The following AKAIN1 variants were observed in gnomAD, a reference collection of about 807,000 sequenced individuals.
AKAIN1 encodes the protein A-kinase anchor inhibitor 1.
AKAIN1 carries 3 observed loss-of-function variants against 3.7 expected under a neutral mutation model. The ratio of observed to expected loss-of-function variants is 0.82; its 90% CI spans 0.37 to 2.12. The LOEUF (loss-of-function observed/expected upper bound fraction) is 2.12, where lower values mean the gene tolerates loss of function less well. Among genes scored for constraint, AKAIN1 ranks in the 30% most tolerant of loss-of-function variants. The pLI is 0.06. For missense variants in AKAIN1, 82 were observed against 82.7 expected (o/e 0.99, Z 0.03); for synonymous variants, 31 against 30.8 (o/e 1.01, Z -0.02).
At chr18:5,190,777 T>C (rs2071314133) in intron 1 of AKAIN1, among the ~76,000 whole-genome samples, 1 of 152,150 alleles carries the variant, frequency 6.6e-6, no homozygotes, top group African/African-American at 2.4e-5. Flanking sequence ...TCTTCCTGTA[T>C]TCCCATATGG....
intron 1 of AKAIN1, among the ~76,000 whole-genome samples, chr18:5,162,199 G>A (rs768196140): frequency 1.6e-4 from 25 of 152,086 alleles, no homozygotes; most frequent in Admixed American, 3.3e-4. Context: ...TCTTCTCTTA[G>A]AAAGAAAACT....
intron 1 of AKAIN1, among the ~76,000 whole-genome samples, chr18:5,188,458 C>T (rs1009823637): frequency 6.6e-6 from 1 of 152,050 alleles, no homozygotes; most frequent in South Asian, 2.1e-4. Flanking sequence ...CTAAACCTCT[C>T]CGTGCTGCCC....
At chr18:5,194,245 C>T (rs1309249389) in intron 1 of AKAIN1, among the ~76,000 whole-genome samples, 1 of 152,128 alleles carries the variant, frequency 6.6e-6, no homozygotes, top group East Asian at 1.9e-4. Context: ...ATGCCCCTTA[C>T]CTTCAAGGGG....
At chr18:5,195,178 A>T (rs924047365) in intron 1 of AKAIN1, among the ~76,000 whole-genome samples, 3 of 152,158 alleles carry the variant, frequency 2.0e-5, no homozygotes, top group Admixed American at 6.5e-5. Flanking sequence ...ACGTTTCTGT[A>T]TCTATCCTAT....
intron 1 of AKAIN1, among the ~76,000 whole-genome samples, chr18:5,170,380 T>C (rs9303973): frequency 0.15 from 22,331 of 152,112 alleles, 2,902 homozygotes; most frequent in African/African-American, 0.36. Context: ...GTAGTAAGCA[T>C]TCACAACTTT....
chr18:5,197,449 T>C, upstream of AKAIN1: 4 of 1,222,888 alleles, frequency 3.3e-6, no homozygotes, highest in South Asian at 1.5e-4. The surrounding 1 kb of genome is among the most constrained non-coding windows in gnomAD (Gnocchi z 6.9). Flanking sequence ...TGCTTTTAAT[T>C]ACCTGCTGTG....
intron 1 of AKAIN1, among the ~76,000 whole-genome samples, chr18:5,147,104 C>T (rs2071053691): frequency 6.6e-6 from 1 of 152,118 alleles, no homozygotes. Flanking sequence ...GGCCTTTTGT[C>T]CTCTCCCCAT....
chr18:5,145,712 A>G lies in AKAIN1; in HGVS notation c.60T>C (p.Asn20=), dbSNP rs773755820. Residue 20 remains asparagine, a synonymous_variant, in exon 2 of 2, where the codon AAT becomes AAC. Transcript: ENST00000434239. ...CATTCTGCACAATCTGTTTGCTGGC[A>G]TTCTGCAGCTTCACCTCTTCAGGCT... ...GNEPEEVKLQ[N]ASKQIVQNAI... The G allele has an allele frequency of 6.4e-7, 1 of 1,551,564 alleles. No individual in the cohort carries two copies. Among genetic ancestry groups the G allele is most frequent in the South Asian group, 1.2e-5 (1 of 84,052 alleles).
intron 1 of AKAIN1, among the ~76,000 whole-genome samples, chr18:5,191,585 G>A (rs1216118752): frequency 6.6e-6 from 1 of 151,950 alleles, no homozygotes; most frequent in Non-Finnish European, 1.5e-5. Flanking sequence ...ATAGATTTCA[G>A]GAAATTCCAT....
At chr18:5,178,451 G>A (rs1044425275) in intron 1 of AKAIN1, among the ~76,000 whole-genome samples, 3 of 152,100 alleles carry the variant, frequency 2.0e-5, no homozygotes, top group African/African-American at 7.2e-5. Flanking sequence ...GACCAGAAAG[G>A]TGTGTTCTTC....
At chr18:5,164,677 G>T (rs527570532) in intron 1 of AKAIN1, among the ~76,000 whole-genome samples, 2 of 151,986 alleles carry the variant, frequency 1.3e-5, no homozygotes, top group Non-Finnish European at 2.9e-5. Flanking sequence ...GATGGTTGAA[G>T]TTGATTCAGT....
chr18:5,184,869 A>T (rs142465426), intron 1 of AKAIN1, among the ~76,000 whole-genome samples: 7 of 152,184 alleles, frequency 4.6e-5, no homozygotes, highest in Admixed American at 4.6e-4. Context: ...GAACCAAAAA[A>T]TGGTCCTGAA....
At chr18:5,168,132 C>G (rs1040581459) in intron 1 of AKAIN1, among the ~76,000 whole-genome samples, 3 of 151,956 alleles carry the variant, frequency 2.0e-5, no homozygotes, top group Non-Finnish European at 4.4e-5. Flanking sequence ...GCCCTGTTAC[C>G]AAAGGGGTAA....
At chr18:5,156,963 C>A (rs1207740461) in intron 1 of AKAIN1, among the ~76,000 whole-genome samples, 1 of 152,148 alleles carries the variant, frequency 6.6e-6, no homozygotes, top group African/African-American at 2.4e-5. Context: ...CCTAAATAGT[C>A]ACTCATAAAC....
intron 1 of AKAIN1, among the ~76,000 whole-genome samples, chr18:5,153,974 G>A (rs1328025524): frequency 6.6e-6 from 1 of 152,146 alleles, no homozygotes; most frequent in Non-Finnish European, 1.5e-5. Flanking sequence ...CTTCACACCT[G>A]GAAGCCTAGC....
At chr18:5,192,850 G>A (rs76719904) in intron 1 of AKAIN1, among the ~76,000 whole-genome samples, 10,697 of 152,070 alleles carry the variant, frequency 0.07, 466 homozygotes, top group African/African-American at 0.11. Context: ...AAAACTAAGT[G>A]CAATGAAACT....
chr18:5,197,604 T>C, upstream of AKAIN1: 2 of 597,284 alleles, frequency 3.3e-6, no homozygotes, highest in Non-Finnish European at 4.9e-6. The surrounding 1 kb of genome is among the most constrained non-coding windows in gnomAD (Gnocchi z 6.9). Flanking sequence ...GTCAAGTTAA[T>C]AGGTCCTGGA....
chr18:5,182,615 A>C (rs191164942), intron 1 of AKAIN1, among the ~76,000 whole-genome samples: 12 of 152,176 alleles, frequency 7.9e-5, no homozygotes, highest in African/African-American at 2.9e-4. Context: ...TAACTGAAAT[A>C]CTCTTATCAG....
intron 1 of AKAIN1, among the ~76,000 whole-genome samples, chr18:5,179,312 G>A (rs574742725): frequency 1.3e-5 from 2 of 151,910 alleles, no homozygotes; most frequent in Admixed American, 6.6e-5. Flanking sequence ...TTGACTTTCT[G>A]TTTCTGAGTT....
Sources: allele counts gnomAD v4.1 joint callset (sites outside exome capture counted in the v4.1 genomes callset), GRCh38; gene constraint gnomAD v4.1.1; non-coding constraint Gnocchi (gnomAD v3.1); transcripts MANE v1.5; gene names NCBI Gene and HGNC (gene_info 2026-07-23, HGNC 2026-07-21).